The following FHOD3 variants were observed in gnomAD, a reference collection of about 807,000 sequenced individuals.
The protein encoded by FHOD3 is FH1/FH2 domain-containing protein 3.
A neutral mutation model predicts 173.0 loss-of-function variants in FHOD3; 90 were observed. The ratio of observed to expected loss-of-function variants is 0.52; its 90% CI spans 0.44 to 0.62. The LOEUF is 0.62. Ranked by LOEUF, FHOD3 falls within the 20% of genes least tolerant of loss-of-function variation. The probability of loss-of-function intolerance (pLI) is 0.00; values close to 1 mark genes in which losing one functional copy is unlikely to be tolerated. For synonymous variants in FHOD3, 828 were observed against 823.0 expected (o/e 1.01, Z -0.10); for missense variants, 1,945 against 2,034.7 (o/e 0.96, Z 0.85).
intron 20 of FHOD3, among the ~76,000 whole-genome samples, chr18:36,736,131 A>T (rs929702311): frequency 2.0e-5 from 3 of 152,224 alleles, no homozygotes; most frequent in African/African-American, 7.2e-5. Context: ...GTGGGAGCAC[A>T]CAGGTGAGTG....
In FHOD3 at chr18:36,356,639, A is replaced by ATG. The variant is rs145427541; in HGVS notation, c.272+995_272+996insGT. On this transcript the variant is annotated intron_variant, in intron 2 of 28. Transcript: ENST00000590592. ...TGTGCCCAGCTAATTTTATATATAT[A>ATG]TATATGTTATTTTTGAGACGGAATC... 7.1e-3 allele frequency among the ~76,000 whole-genome samples: 1,075 copies of ATG among 150,528 alleles called. 12 individuals are homozygous for ATG. Among genetic ancestry groups the ATG allele is most frequent in the African/African-American group, 0.025 (1,036 of 40,860 alleles).
Position 36,334,441 on chromosome 18 carries a change from C to T in FHOD3, c.166-21098C>T, listed in dbSNP as rs928837896. The stretch of plus-strand genomic sequence containing the variant: ...ACCTGTTTTTGAGACAGAAGCCATC[C>T]TTTCAACAACAGCTAACACCATGTC... On this transcript the variant is annotated intron_variant, in intron 1 of 28. Transcript: ENST00000590592. Among the ~76,000 whole-genome samples, 4 of 152,308 alleles carry T rather than the reference C, an allele frequency of 2.6e-5. No individual in the cohort carries two copies. The East Asian group carries it at 7.7e-4, about 29-fold the overall frequency.
intron 2 of FHOD3, among the ~76,000 whole-genome samples, chr18:36,356,771 G>A (rs2046381634): frequency 6.6e-6 from 1 of 152,038 alleles, no homozygotes; most frequent in South Asian, 2.1e-4. Context: ...GAGTAGCTGG[G>A]ACTACAGGCG....
intron 3 of FHOD3, among the ~76,000 whole-genome samples, chr18:36,393,676 T>C (rs2048412698): frequency 6.6e-6 from 1 of 152,298 alleles, no homozygotes; most frequent in South Asian, 2.1e-4. Context: ...GAGTCCCAGT[T>C]GTGTGCCCAA....
At chr18:36,742,963 C>A in intron 22 of FHOD3, 107 bp downstream of exon 22, 2 of 1,422,564 alleles carry the variant, frequency 1.4e-6, no homozygotes, top group Non-Finnish European at 1.9e-6. Context: ...CACAGTGGAA[C>A]AAATGACTTT....
chr18:36,709,320 G>T lies in FHOD3; in HGVS notation c.2462G>T (p.Ser821Ile). The T allele has an allele frequency of 1.9e-6, 3 of 1,614,262 alleles. No individual in the cohort carries two copies. Among genetic ancestry groups the T allele is most frequent in the Non-Finnish European group, 2.5e-6 (3 of 1,180,046 alleles). The change falls in exon 18 of 29, where the codon AGC becomes ATC. Residue 821 changes from serine (S) to isoleucine (I), a missense_variant. By Grantham distance (142) the Ser-to-Ile change is moderately radical (BLOSUM62 -2). Coordinates refer to ENST00000590592, the MANE Select transcript of FHOD3 (RefSeq NM_001281740.3). ...GAGAGGGACAACTGCTCTGCCTCCA[G>T]CGTCTCGTCCTCCAGCAGCACGTTG... The part of the protein sequence containing the change: ...VNERDNCSAS[S>I]VSSSSSTLER...
chr18:36,382,760 C>T (rs992475703), intron 3 of FHOD3, among the ~76,000 whole-genome samples: 3 of 151,316 alleles, frequency 2.0e-5, no homozygotes, highest in Admixed American at 1.3e-4. Context: ...ATTCTGTCAA[C>T]CCGAGACGGG....
intron 3 of FHOD3, among the ~76,000 whole-genome samples, chr18:36,384,359 G>A (rs1327965749): frequency 1.3e-5 from 2 of 151,650 alleles, no homozygotes; most frequent in African/African-American, 4.9e-5. Flanking sequence ...CAGCCTGGGC[G>A]ACAGAGTGAG....
intron 5 of FHOD3, among the ~76,000 whole-genome samples, chr18:36,517,425 G>A (rs903791796): frequency 1.3e-5 from 2 of 152,220 alleles, no homozygotes; most frequent in Middle Eastern, 3.4e-3. Context: ...CCCCTGCATG[G>A]CATGTTTTAT....
chr18:36,604,082 G>T (rs376939843), intron 8 of FHOD3, among the ~76,000 whole-genome samples: 1 of 152,144 alleles, frequency 6.6e-6, no homozygotes, highest in Non-Finnish European at 1.5e-5. Context: ...CAGAGGTGCT[G>T]CTCTGAAACA....
At chr18:36,763,501 A>C (rs1419285327) in intron 27 of FHOD3, among the ~76,000 whole-genome samples, 1 of 142,310 alleles carries the variant, frequency 7.0e-6, no homozygotes, top group Non-Finnish European at 1.6e-5. Context: ...GTTATATATA[A>C]TATGTGTATT....
intron 9 of FHOD3, among the ~76,000 whole-genome samples, chr18:36,617,817 G>A (rs1281090294): frequency 1.3e-5 from 2 of 152,030 alleles, no homozygotes; most frequent in African/African-American, 4.8e-5. Flanking sequence ...AGGACAGTGA[G>A]GGAAGATTTT....
At chr18:36,691,075 C>G (rs775071096) in intron 16 of FHOD3, among the ~76,000 whole-genome samples, 8 of 152,308 alleles carry the variant, frequency 5.3e-5, no homozygotes, top group Non-Finnish European at 1.2e-4. Context: ...TATATACAGG[C>G]TCTGGGATGA....
intron 1 of FHOD3, among the ~76,000 whole-genome samples, chr18:36,348,543 G>C (rs2045971666): frequency 6.6e-6 from 1 of 152,074 alleles, no homozygotes. Flanking sequence ...TTTGCATTTT[G>C]AAAGTGAATT....
At chr18:36,760,831 T>TC (rs1375560922) in intron 27 of FHOD3, 49 bp downstream of exon 27, 20 of 1,532,358 alleles carry the variant, frequency 1.3e-5, no homozygotes, top group Non-Finnish European at 1.7e-5. Context: ...GGTTGGCCGC[T>TC]CTGGGGGGGT....
chr18:36,524,365 G>T (rs1426001905), intron 5 of FHOD3, among the ~76,000 whole-genome samples: 3 of 152,098 alleles, frequency 2.0e-5, no homozygotes, highest in African/African-American at 7.2e-5. Context: ...GATTGGCAGG[G>T]CTAGTGTTAG....
At chr18:36,572,718 G>A (rs1400619613) in intron 5 of FHOD3, among the ~76,000 whole-genome samples, 1 of 101,978 alleles carries the variant, frequency 9.8e-6, no homozygotes, top group East Asian at 2.7e-4. Context: ...AGTACCAGAG[G>A]CCCTGAGCTC....
chr18:36,303,898 T>C (rs2092021566), intron 1 of FHOD3, among the ~76,000 whole-genome samples: 1 of 152,136 alleles, frequency 6.6e-6, no homozygotes, highest in Admixed American at 6.5e-5. Flanking sequence ...GGACTGTTTC[T>C]GAGCTTTGTT....
intron 3 of FHOD3, among the ~76,000 whole-genome samples, chr18:36,415,416 A>G (rs138147785): frequency 7.9e-4 from 120 of 152,358 alleles, no homozygotes; most frequent in Non-Finnish European, 1.4e-3. Context: ...AGGCTGTCAG[A>G]GAGCAAGAGA....
Sources: allele counts gnomAD v4.1 joint callset (sites outside exome capture counted in the v4.1 genomes callset), GRCh38; gene constraint gnomAD v4.1.1; transcripts MANE v1.5; gene names NCBI Gene and HGNC (gene_info 2026-07-23, HGNC 2026-07-21).